Variants in RPH3A observed in about 807,000 individuals in gnomAD.
The protein encoded by RPH3A is rabphilin 3A, also known as rabphilin-3A.
A neutral mutation model predicts 102.2 loss-of-function variants in RPH3A; 48 were observed. The ratio of observed to expected loss-of-function variants is 0.47; its 90% CI spans 0.37 to 0.60. The LOEUF (loss-of-function observed/expected upper bound fraction) is 0.60. Ranked by LOEUF, RPH3A falls within the 20% of genes least tolerant of loss-of-function variation. The pLI is 0.00. For synonymous variants in RPH3A, 310 were observed against 324.3 expected (o/e 0.96, Z 0.47); for missense variants, 781 against 910.1 (o/e 0.86, Z 1.83).
intron 2 of RPH3A, among the ~76,000 whole-genome samples, chr12:112,794,194 T>G: frequency 6.6e-6 from 1 of 152,200 alleles, no homozygotes. Context: ...TCAGGAGACC[T>G]GGGTTCCAGT....
At chr12:112,807,031 C>G (rs2136113282) in intron 2 of RPH3A, among the ~76,000 whole-genome samples, 1 of 152,140 alleles carries the variant, frequency 6.6e-6, no homozygotes, top group South Asian at 2.1e-4. Context: ...GGTAGCAGTG[C>G]AGGATCTGAA....
At chr12:112,831,949 C>T in intron 3 of RPH3A, 1 of 268,582 alleles carries the variant, frequency 3.7e-6, no homozygotes, top group South Asian at 3.3e-5. Context: ...CTTCCTGAAA[C>T]AGTGGATTCA....
chr12:112,883,487 G>T (rs186979272), intron 16 of RPH3A, 85 bp downstream of exon 16: 2 of 904,362 alleles, frequency 2.2e-6, no homozygotes, highest in African/African-American at 3.3e-5. Context: ...GGCCCCCAGG[G>T]CTTCACTCTA....
chr12:112,763,576 T>A (rs928111557), intron 1 of RPH3A, among the ~76,000 whole-genome samples: 1 of 152,216 alleles, frequency 6.6e-6, no homozygotes, highest in African/African-American at 2.4e-5. Context: ...GAAAGAAATG[T>A]CTGGGTTAAG....
intron 1 of RPH3A, among the ~76,000 whole-genome samples, chr12:112,690,852 A>G (rs1236058187): frequency 6.6e-6 from 1 of 152,098 alleles, no homozygotes; most frequent in African/African-American, 2.4e-5. Context: ...TTTTCACTCA[A>G]CAATGCCTCA....
At chr12:112,690,838 G>A (rs1254225983) in intron 1 of RPH3A, among the ~76,000 whole-genome samples, 1 of 152,034 alleles carries the variant, frequency 6.6e-6, no homozygotes, top group East Asian at 1.9e-4. Context: ...ACAATCATTT[G>A]TCTTTTTCAC....
In RPH3A at chr12:112,879,127, G is replaced by A; in HGVS notation, c.1180G>A (p.Gly394Ser). The change falls in exon 14 of 22, where the codon GGT (glycine) becomes AGT (serine). Residue 394 changes from glycine to serine, a missense_variant. Gly to Ser is a moderately conservative substitution (Grantham distance 56, BLOSUM62 0). This residue lies in a region of RPH3A where 730 missense variants were observed against 810.0 expected (regional missense o/e 0.90). Coordinates refer to ENST00000389385, the MANE Select transcript of RPH3A (RefSeq NM_001143854.2). The part of the protein sequence containing the change: ...SYDSDEATTL[G>S]ALEFSLLYDQ... ...GTCTCTGCCCCCTTCAGCCACCCTG[G>A]GTGCCCTGGAATTCAGCCTTCTCTA... 1.2e-6 allele frequency: 2 copies of A among 1,613,814 alleles called. No homozygotes were observed. Among genetic ancestry groups the A allele is most frequent in the Non-Finnish European group, 1.7e-6 (2 of 1,179,878 alleles).
chr12:112,892,599 G>A (rs142951436), intron 19 of RPH3A, among the ~76,000 whole-genome samples: 30 of 152,322 alleles, frequency 2.0e-4, no homozygotes, highest in African/African-American at 6.5e-4. Flanking sequence ...TGTGGGAAGC[G>A]TGGCTTCAGC....
At chr12:112,679,820 G>A (rs1043362343) in intron 1 of RPH3A, among the ~76,000 whole-genome samples, 5 of 152,250 alleles carry the variant, frequency 3.3e-5, no homozygotes, top group African/African-American at 1.2e-4. Context: ...TCACAGGCTA[G>A]TGGGGGTGGA....
Position 112,683,326 on chromosome 12 carries a change from C to T in RPH3A, c.-140+108007C>T, listed in dbSNP as rs141350840. On this transcript the variant is annotated intron_variant, in intron 1 of 21. Transcript: ENST00000543106. ...TAATGGAAACATCTATCCTTCTACT[C>T]TGTTTCTTGTCACAAACCCCACAGC... Among the ~76,000 whole-genome samples the T allele has an allele frequency of 5.2e-3, 789 of 152,294 alleles. 5 individuals are homozygous for T. Among genetic ancestry groups the T allele is most frequent in the African/African-American group, 0.018 (748 of 41,540 alleles).
At chr12:112,712,925 C>CTTCTGCT (rs1565856803) in intron 1 of RPH3A, among the ~76,000 whole-genome samples, 21 of 94,528 alleles carry the variant, frequency 2.2e-4, no homozygotes, top group African/African-American at 9.6e-4. Context: ...CTTCTTCTTC[C>CTTCTGCT]TCTTCTTCTT....
At chr12:112,790,171 CT>C (rs2041083121), upstream of RPH3A, among the ~76,000 whole-genome samples, 1 of 152,046 alleles carries the variant, frequency 6.6e-6, no homozygotes, top group Non-Finnish European at 1.5e-5. Context: ...ATTCTCCTGC[CT>C]CCACCTCCCG....
intron 1 of RPH3A, among the ~76,000 whole-genome samples, chr12:112,722,915 TTA>T (rs1406024632): frequency 6.6e-6 from 1 of 152,238 alleles, no homozygotes; most frequent in Non-Finnish European, 1.5e-5. Context: ...TGTTTGAGTA[TTA>T]TTTTGGTCCT....
chr12:112,845,562 C>T (rs1219905477), intron 4 of RPH3A, among the ~76,000 whole-genome samples: 1 of 152,224 alleles, frequency 6.6e-6, no homozygotes, highest in African/African-American at 2.4e-5. Context: ...TCCTCACTTG[C>T]TCAAGAAGCT....
chr12:112,744,094 A>G lies in RPH3A; in HGVS notation c.-139-48049A>G, dbSNP rs2136056299. Among the ~76,000 whole-genome samples, 4 of 152,048 alleles carry G rather than the reference A, an allele frequency of 2.6e-5. 2 individuals carry two copies. In the South Asian group the frequency reaches 8.3e-4, roughly 32 times the overall value. On this transcript the variant is annotated intron_variant, in intron 1 of 21. Transcript: ENST00000543106. The stretch of plus-strand genomic sequence containing the variant: ...TTTCTTTCTTTCTTTCTTTTTTTCC[A>G]AGACAGAGTCTTGCTCTGTAGCCCA...
chr12:112,786,593 G>A (rs897703292), intron 1 of RPH3A, among the ~76,000 whole-genome samples: 3 of 152,178 alleles, frequency 2.0e-5, no homozygotes, highest in African/African-American at 7.2e-5. Context: ...GTCATCCAGC[G>A]ACAAAGCCCA....
At chr12:112,805,283 T>C (rs1180250583) in intron 2 of RPH3A, among the ~76,000 whole-genome samples, 1 of 152,052 alleles carries the variant, frequency 6.6e-6, no homozygotes, top group Non-Finnish European at 1.5e-5. Context: ...TGAACCTTAG[T>C]GGTTATAACA....
intron 5 of RPH3A, among the ~76,000 whole-genome samples, chr12:112,860,917 T>A (rs986017311): frequency 1.3e-5 from 2 of 152,238 alleles, no homozygotes; most frequent in African/African-American, 2.4e-5. Flanking sequence ...GCCCACTTCG[T>A]TGTCTCATAA....
intron 1 of RPH3A, among the ~76,000 whole-genome samples, chr12:112,771,981 G>C (rs1027036383): frequency 6.6e-6 from 1 of 152,150 alleles, no homozygotes; most frequent in African/African-American, 2.4e-5. Flanking sequence ...TTATTACATA[G>C]AAATAAATTT....
Sources: gnomAD v4.1 joint callset for allele counts (sites outside exome capture counted in the v4.1 genomes callset) on GRCh38, gnomAD v4.1.1 for gene constraint, gnomAD v4.1.1 regional missense constraint, MANE v1.5 for transcripts, NCBI Gene and HGNC (gene_info 2026-07-23, HGNC 2026-07-21) for gene names.